Variants in HACE1 observed in about 807,000 individuals in gnomAD.
The protein encoded by HACE1 is HECT domain and ankyrin repeat containing E3 ubiquitin protein ligase 1, also known as E3 ubiquitin-protein ligase HACE1.
A neutral mutation model predicts 118.4 loss-of-function variants in HACE1; 73 were observed. The ratio of observed to expected loss-of-function variants is 0.62; its 90% confidence interval spans 0.51 to 0.75. The LOEUF is 0.75. Among genes scored for constraint, HACE1 ranks in the 30% least tolerant of loss-of-function variants. HACE1 has a pLI of 0.00. For synonymous variants in HACE1, 368 were observed against 374.8 expected (o/e 0.98, Z 0.21); for missense variants, 749 against 1,102.2 (o/e 0.68, Z 4.54).
At chr6:104,742,610 A>AGT (rs1414767310) in intron 22 of HACE1, among the ~76,000 whole-genome samples, 5 of 151,452 alleles carry the variant, frequency 3.3e-5, no homozygotes, top group Non-Finnish European at 5.9e-5. Context: ...AACCACAATG[A>AGT]GATACCGTCT....
intron 1 of HACE1, chr6:104,859,230 G>T (rs1016158634): frequency 2.7e-5 from 8 of 298,298 alleles, no homozygotes; most frequent in Non-Finnish European, 5.0e-5. Context: ...CCGCAATTAT[G>T]ATGTTTTCTG....
At chr6:104,739,649 A>C (rs1380553153) in intron 22 of HACE1, among the ~76,000 whole-genome samples, 1 of 151,186 alleles carries the variant, frequency 6.6e-6, no homozygotes, top group Non-Finnish European at 1.5e-5. Flanking sequence ...CAATACAGGA[A>C]CACCAAGATT....
chr6:104,749,092 A>G (rs569596310), intron 20 of HACE1, among the ~76,000 whole-genome samples: 1 of 152,312 alleles, frequency 6.6e-6, no homozygotes, highest in East Asian at 1.9e-4. Flanking sequence ...CAAAGTTTTC[A>G]TCAATTATTT....
intron 6 of HACE1, among the ~76,000 whole-genome samples, chr6:104,829,329 A>G (rs1003191898): frequency 2.0e-5 from 3 of 152,142 alleles, no homozygotes; most frequent in Non-Finnish European, 4.4e-5. Flanking sequence ...CCAGTAAATC[A>G]CATGCAACTC....
intron 1 of HACE1, among the ~76,000 whole-genome samples, chr6:104,853,865 C>T (rs1776471093): frequency 2.0e-5 from 3 of 152,030 alleles, no homozygotes; most frequent in Admixed American, 2.0e-4. Flanking sequence ...ATGGATAGTA[C>T]CAAACCCTAT....
chr6:104,831,969 A>AGAAGG (rs2115081826), intron 6 of HACE1, among the ~76,000 whole-genome samples: 1 of 74,700 alleles, frequency 1.3e-5, no homozygotes, highest in East Asian at 3.2e-4. Context: ...AGAAGAGAAG[A>AGAAGG]GAAGAGAAGA....
chr6:104,853,137 G>A (rs1318631705), intron 1 of HACE1, among the ~76,000 whole-genome samples: 1 of 152,152 alleles, frequency 6.6e-6, no homozygotes, highest in African/African-American at 2.4e-5. Flanking sequence ...ATCCAGGAGT[G>A]GGTTAGTTAT....
intron 1 of HACE1, 34 bp from the exon 2 acceptor site, chr6:104,852,405 C>T: frequency 7.7e-7 from 1 of 1,291,228 alleles, no homozygotes; most frequent in Non-Finnish European, 1.1e-6. Context: ...TCATTTATCC[C>T]CTACTTTGTG....
At chr6:104,730,188 T>C in intron 23 of HACE1, 115 bp downstream of exon 23, 1 of 712,474 alleles carries the variant, frequency 1.4e-6, no homozygotes, top group Non-Finnish European at 2.6e-6. Flanking sequence ...TCCAAAATCC[T>C]GGAGAGAGAT....
At chr6:104,760,084 G>A (rs139071780) in intron 19 of HACE1, among the ~76,000 whole-genome samples, 2,452 of 152,224 alleles carry the variant, frequency 0.016, 79 homozygotes, top group African/African-American at 0.057. Context: ...AAAAGTCCAG[G>A]ACCAGTGGAT....
chr6:104,732,634 T>G (rs938223711), intron 22 of HACE1, among the ~76,000 whole-genome samples: 2 of 152,158 alleles, frequency 1.3e-5, no homozygotes, highest in Non-Finnish European at 2.9e-5. Context: ...CACACATTAA[T>G]GTGAATGCAC....
At chr6:104,826,064 T>C (rs943271076) in intron 6 of HACE1, among the ~76,000 whole-genome samples, 2 of 152,210 alleles carry the variant, frequency 1.3e-5, no homozygotes, top group African/African-American at 4.8e-5. Flanking sequence ...CATAGGAGCA[T>C]GAACTCTGTT....
intron 1 of HACE1, among the ~76,000 whole-genome samples, chr6:104,854,206 G>A (rs146498234): frequency 6.6e-6 from 1 of 152,218 alleles, no homozygotes; most frequent in East Asian, 1.9e-4. Flanking sequence ...TCTCACGACC[G>A]TTAAACACAA....
chr6:104,825,669 A>G (rs1773253494), intron 6 of HACE1, among the ~76,000 whole-genome samples: 1 of 152,200 alleles, frequency 6.6e-6, no homozygotes, highest in African/African-American at 2.4e-5. Context: ...GCGAACACCA[A>G]GTGGCCAATG....
At chr6:104,801,172 A>G (rs1035177747) in intron 7 of HACE1, among the ~76,000 whole-genome samples, 15 of 152,174 alleles carry the variant, frequency 9.9e-5, no homozygotes, top group African/African-American at 3.4e-4. Flanking sequence ...AGAGAAAAAA[A>G]GAGCAAAAAG....
chr6:104,837,411 C>T (rs1455223053), intron 5 of HACE1, among the ~76,000 whole-genome samples: 1 of 152,142 alleles, frequency 6.6e-6, no homozygotes, highest in Non-Finnish European at 1.5e-5. Flanking sequence ...TTTCAACAAA[C>T]AGTGCTAGTA....
intron 6 of HACE1, among the ~76,000 whole-genome samples, chr6:104,816,478 G>A (rs187041787): frequency 4.7e-4 from 72 of 152,340 alleles, no homozygotes; most frequent in African/African-American, 1.7e-3. Context: ...AAGCTTCCAC[G>A]TGGTGTTGGG....
At chr6:104,771,862 T>A in intron 18 of HACE1, 63 bp downstream of exon 18, 1 of 1,164,468 alleles carries the variant, frequency 8.6e-7, no homozygotes, top group South Asian at 1.3e-5. Context: ...TTATCTAGTT[T>A]TCCTCAAACT....
intron 19 of HACE1, among the ~76,000 whole-genome samples, chr6:104,750,922 AC>A (rs1189256282): frequency 6.6e-6 from 1 of 152,198 alleles, no homozygotes. Flanking sequence ...GTGTGTATGT[AC>A]ATGTAAATAA....
Sources: allele counts gnomAD v4.1 joint callset (sites outside exome capture counted in the v4.1 genomes callset), GRCh38; gene constraint gnomAD v4.1.1; transcripts MANE v1.5; gene names NCBI Gene and HGNC (gene_info 2026-07-23, HGNC 2026-07-21).